Variants in IRF2 observed in about 807,000 individuals in gnomAD.
IRF2 encodes interferon regulatory factor 2.
In IRF2, 15 loss-of-function variants were observed where a neutral mutation model predicts 40.6. That is an observed-to-expected ratio of 0.37 (90% CI 0.25 to 0.57). IRF2 has a LOEUF of 0.57. Among genes scored for constraint, IRF2 ranks in the 20% least tolerant of loss-of-function variants. The probability of loss-of-function intolerance (pLI) is 0.77; values close to 1 mark genes in which losing one functional copy is unlikely to be tolerated. For missense variants in IRF2, 317 were observed against 455.7 expected, an observed-to-expected ratio of 0.70 and a Z score of 2.77; for synonymous variants, 151 against 165.5, an observed-to-expected ratio of 0.91 and a Z score of 0.67.
intron 5 of IRF2, among the ~76,000 whole-genome samples, chr4:184,411,003 T>C (rs1447265488): frequency 6.6e-6 from 1 of 152,068 alleles, no homozygotes; most frequent in Non-Finnish European, 1.5e-5. Flanking sequence ...TATCCTGCCC[T>C]AATTCCAGCG....
chr4:184,433,549 C>T (rs1561109992), intron 1 of IRF2, among the ~76,000 whole-genome samples: 1 of 152,162 alleles, frequency 6.6e-6, no homozygotes, highest in Non-Finnish European at 1.5e-5. Flanking sequence ...AGGACTGTTA[C>T]TAATTATAGG....
intron 1 of IRF2, among the ~76,000 whole-genome samples, chr4:184,438,863 G>A (rs1235581915): frequency 6.6e-6 from 1 of 152,124 alleles, no homozygotes; most frequent in Non-Finnish European, 1.5e-5. Flanking sequence ...AGGAAGCATG[G>A]CCTGAGACCT....
At chr4:184,399,175 C>T in intron 6 of IRF2, 96 bp from the exon 7 acceptor site, 1 of 1,298,558 alleles carries the variant, frequency 7.7e-7, no homozygotes, top group Non-Finnish European at 1.0e-6. Flanking sequence ...AGCCAGGTCG[C>T]CAGGCTCCCA....
Position 184,399,114 on chromosome 4 carries a change from C to G in IRF2, c.530-35G>C, listed in dbSNP as rs566046035. ...AAAGACAGCCATCATGCAAAGTCTG[C>G]TGACCTCACAATTCTAGCACACTTT... On this transcript the variant is annotated intron_variant, in intron 6 of 8. Coordinates refer to ENST00000393593, the MANE Select transcript of IRF2 (RefSeq NM_002199.4). 9 of 1,549,546 alleles carry G rather than the reference C, an allele frequency of 5.8e-6. No individual in the cohort carries two copies. The South Asian group carries it at 1.1e-4, about 19-fold the overall frequency.
intron 6 of IRF2, among the ~76,000 whole-genome samples, chr4:184,401,225 G>A (rs1196800325): frequency 6.6e-6 from 1 of 152,224 alleles, no homozygotes; most frequent in Non-Finnish European, 1.5e-5. Flanking sequence ...ATTTTCTGAA[G>A]TATTTTTGTT....
chr4:184,398,666 A>AAT (rs1561084640), intron 7 of IRF2, among the ~76,000 whole-genome samples: 3 of 147,150 alleles, frequency 2.0e-5, no homozygotes, highest in Admixed American at 6.7e-5. Context: ...AAAAAAAAAA[A>AAT]AAATAAATAA....
At chr4:184,433,465 G>C (rs1457328210) in intron 1 of IRF2, among the ~76,000 whole-genome samples, 1 of 152,112 alleles carries the variant, frequency 6.6e-6, no homozygotes, top group Non-Finnish European at 1.5e-5. Context: ...CCTCACTTAC[G>C]CAACATGCCT....
chr4:184,436,539 G>C (rs1738084926), intron 1 of IRF2, among the ~76,000 whole-genome samples: 1 of 152,182 alleles, frequency 6.6e-6, no homozygotes, highest in Admixed American at 6.5e-5. Flanking sequence ...AACTAAGTTA[G>C]GTAGTTCATA....
chr4:184,401,366 G>T (rs3756090), intron 6 of IRF2, among the ~76,000 whole-genome samples: 3 of 152,182 alleles, frequency 2.0e-5, no homozygotes, highest in Non-Finnish European at 4.4e-5. Flanking sequence ...AGGCACAAAA[G>T]AGGCTCAGAA....
chr4:184,449,552 G>A (rs1043492108), intron 1 of IRF2, among the ~76,000 whole-genome samples: 7 of 152,320 alleles, frequency 4.6e-5, no homozygotes, highest in East Asian at 1.9e-4. Flanking sequence ...ACAGTGATAC[G>A]CAATGACGGA....
chr4:184,411,837 C>T (rs1737084728), intron 5 of IRF2, among the ~76,000 whole-genome samples: 1 of 151,928 alleles, frequency 6.6e-6, no homozygotes, highest in African/African-American at 2.4e-5. Flanking sequence ...CCACTCCTGC[C>T]CTGGCTCAAC....
chr4:184,468,562 GC>G (rs1739411352), intron 1 of IRF2, among the ~76,000 whole-genome samples: 1 of 152,166 alleles, frequency 6.6e-6, no homozygotes, highest in Non-Finnish European at 1.5e-5. Flanking sequence ...GCAAGCAAGG[GC>G]AAGTGGGCAG....
chr4:184,467,442 T>C (rs547448068), intron 1 of IRF2, among the ~76,000 whole-genome samples: 5 of 152,214 alleles, frequency 3.3e-5, no homozygotes, highest in African/African-American at 4.8e-5. Flanking sequence ...TATCTAGGTG[T>C]TAAGACACTC....
intron 6 of IRF2, among the ~76,000 whole-genome samples, chr4:184,400,400 T>C (rs1187032796): frequency 1.3e-5 from 2 of 152,192 alleles, no homozygotes; most frequent in African/African-American, 2.4e-5. Flanking sequence ...CAGTCATCGG[T>C]TCCTTTTCAA....
chr4:184,445,809 G>C (rs1276629117), intron 1 of IRF2, among the ~76,000 whole-genome samples: 1 of 152,280 alleles, frequency 6.6e-6, no homozygotes, highest in South Asian at 2.1e-4. Context: ...CAAAGAAGAT[G>C]TACTGGGTTG....
intron 6 of IRF2, among the ~76,000 whole-genome samples, chr4:184,399,663 G>A (rs1373321504): frequency 1.3e-5 from 2 of 152,264 alleles, no homozygotes; most frequent in African/African-American, 2.4e-5. Context: ...TCCCCATCTA[G>A]CTGGGTGGCG....
intron 7 of IRF2, among the ~76,000 whole-genome samples, chr4:184,397,468 T>C (rs11132241): frequency 0.98 from 149,060 of 152,214 alleles, 73,059 homozygotes; most frequent in East Asian, 1. Context: ...CTAAACTGTG[T>C]ACCTAAAAAT....
At chr4:184,411,938 A>G (rs796988) in intron 5 of IRF2, among the ~76,000 whole-genome samples, 106,208 of 147,542 alleles carry the variant, frequency 0.72, 38,549 homozygotes, top group Admixed American at 0.76. Flanking sequence ...TTAGATAGAG[A>G]CTCTTCTGTA....
At chr4:184,421,927 G>A (rs1162295438) in intron 2 of IRF2, among the ~76,000 whole-genome samples, 1 of 152,154 alleles carries the variant, frequency 6.6e-6, no homozygotes, top group African/African-American at 2.4e-5. Context: ...TTGCAGGTGG[G>A]GTCTGGTGGA....
Sources: gnomAD v4.1 joint callset for allele counts (sites outside exome capture counted in the v4.1 genomes callset) on GRCh38, gnomAD v4.1.1 for gene constraint, MANE v1.5 for transcripts, NCBI Gene and HGNC (gene_info 2026-07-23, HGNC 2026-07-21) for gene names.